The following GNA12 variants were observed in gnomAD, a reference collection of about 807,000 sequenced individuals.
GNA12 encodes the protein guanine nucleotide-binding protein subunit alpha-12.
In GNA12, 9 loss-of-function variants were observed where a neutral mutation model predicts 26.0. That is an observed-to-expected ratio of 0.35 (90% confidence interval 0.21 to 0.60). GNA12 has a LOEUF of 0.60. GNA12 is among the 20% of genes least tolerant of loss of function. The pLI, the probability that GNA12 is intolerant of heterozygous loss-of-function variation, is 0.78. For missense variants in GNA12, 405 were observed against 525.8 expected (o/e 0.77, Z 2.25); for synonymous variants, 264 against 219.6 (o/e 1.20, Z -1.79).
In GNA12 at chr7:2,793,900, G is replaced by GGA. The variant is rs1562432001; in HGVS notation, c.525+1027_525+1028insTC. ...CCATCTCAAAAAAAAAAAAAAAAAG[G>GGA]AAAAAAAAAGACGTTTCCAATAGCA... On this transcript the variant is annotated intron_variant, in intron 2 of 3. Coordinates refer to ENST00000275364, the MANE Select transcript of GNA12 (RefSeq NM_007353.3). Among the ~76,000 whole-genome samples, 1,206 of 141,096 alleles carry GGA rather than the reference G, an allele frequency of 8.5e-3. 15 individuals are homozygous for GGA. The highest frequency in any genetic ancestry group is 0.03 in the African/African-American group (1,128 of 38,062). The allele number at this position is 141,096 out of a possible 152,430, so 92.6% of individuals were successfully genotyped here.
intron 2 of GNA12, among the ~76,000 whole-genome samples, chr7:2,768,687 C>CAA (rs58917196): frequency 8.0e-6 from 1 of 125,210 alleles, no homozygotes; most frequent in East Asian, 2.0e-4. Context: ...CAAAACAAAA[C>CAA]AAAAAAAAAA....
chr7:2,844,300 C>A lies in GNA12; in HGVS notation c.-139G>T, dbSNP rs1049993681. On this transcript the variant is annotated 5_prime_UTR_variant, in exon 1 of 4. Coordinates refer to ENST00000275364, the MANE Select transcript of GNA12 (RefSeq NM_007353.3). ...CCGCGTCCGCCGCCGCCGCTGCAGTCGCTCCGAGGCCCGCACTCGTCGCCC... is the reference window on the plus strand; with the variant it reads ...CCGCGTCCGCCGCCGCCGCTGCAGTAGCTCCGAGGCCCGCACTCGTCGCCC... 6.2e-4 allele frequency: 165 copies of A among 267,990 alleles called. No individual in the cohort carries two copies. Among genetic ancestry groups the A allele is most frequent in the Non-Finnish European group, 8.8e-4 (154 of 175,204 alleles). 16.6% of individuals were successfully genotyped at this position (267,990 alleles called of 1,614,324 possible). A position where few individuals can be genotyped will look rare whatever the true frequency, so the allele number is the denominator to read the frequency against.
At chr7:2,826,719 G>A (rs1027995599) in intron 1 of GNA12, among the ~76,000 whole-genome samples, 1 of 152,198 alleles carries the variant, frequency 6.6e-6, no homozygotes, top group African/African-American at 2.4e-5. Context: ...CCAACTACAG[G>A]ACATTCTGGA....
intron 1 of GNA12, among the ~76,000 whole-genome samples, chr7:2,806,833 CAA>C (rs1792962685): frequency 6.6e-6 from 1 of 152,120 alleles, no homozygotes; most frequent in South Asian, 2.1e-4. Context: ...AAAGAATAAA[CAA>C]CGATGCAAGG....
chr7:2,748,128 A>G (rs1280385134), intron 2 of GNA12, among the ~76,000 whole-genome samples: 2 of 150,968 alleles, frequency 1.3e-5, no homozygotes, highest in African/African-American at 2.4e-5. Context: ...CAAGCTACCA[A>G]TGACTTTCTT....
intron 2 of GNA12, among the ~76,000 whole-genome samples, chr7:2,743,772 C>T (rs986533341): frequency 6.6e-5 from 10 of 152,146 alleles, no homozygotes; most frequent in Admixed American, 6.6e-5. Context: ...CCCTTTCCTA[C>T]TCAAAGAAAG....
At chr7:2,793,466 A>G (rs1286394239) in intron 2 of GNA12, among the ~76,000 whole-genome samples, 2 of 152,234 alleles carry the variant, frequency 1.3e-5, no homozygotes, top group African/African-American at 4.8e-5. Context: ...AGATGTTAAC[A>G]TTAGGGGGAC....
Position 2,776,113 on chromosome 7 carries a change from C to T in GNA12, c.525+18815G>A, listed in dbSNP as rs147819924. Among the ~76,000 whole-genome samples the T allele has an allele frequency of 4.9e-3, 752 of 152,332 alleles. 10 individuals are homozygous for T. The highest frequency in any genetic ancestry group is 0.017 in the African/African-American group (711 of 41,586). ...TCCAGGTTAGACCGCTCATTGCAGC[C>T]TCAACCTCCTGGGCTTCAGCAATCC... On this transcript the variant is annotated intron_variant, in intron 2 of 3. Coordinates refer to ENST00000275364, the MANE Select transcript of GNA12 (RefSeq NM_007353.3).
chr7:2,811,243 C>T (rs560600668), intron 1 of GNA12, among the ~76,000 whole-genome samples: 47 of 152,254 alleles, frequency 3.1e-4, no homozygotes, highest in Middle Eastern at 3.4e-3. Flanking sequence ...CTTCTGTGCA[C>T]AACATCTACA....
chr7:2,817,525 C>G (rs1027842904), intron 1 of GNA12, among the ~76,000 whole-genome samples: 1 of 152,230 alleles, frequency 6.6e-6, no homozygotes, highest in African/African-American at 2.4e-5. Flanking sequence ...TCTGCTCTGC[C>G]CACACCAGCC....
At chr7:2,739,271 A>G (rs7776715) in intron 2 of GNA12, among the ~76,000 whole-genome samples, 27,037 of 152,186 alleles carry the variant, frequency 0.18, 2,436 homozygotes, top group Non-Finnish European at 0.2. Flanking sequence ...TCTACAGCCT[A>G]TCAGCCGCCA....
At position 2,794,986 on chromosome 7, in the gene GNA12, G is replaced by A. The variant is rs760099419; in HGVS notation, c.467C>T (p.Ala156Val). The change falls in exon 2 of 4, where the codon GCA becomes GTA. Residue 156 changes from alanine to valine, a missense_variant. Physicochemically the swap from Ala to Val is moderately conservative, Grantham distance 64. Coordinates refer to ENST00000275364, the MANE Select transcript of GNA12 (RefSeq NM_007353.3). The part of the protein sequence containing the change: ...TFQLYVPALS[A>V]LWRDSGIREA... ...CCTGATGCCAGAATCCCTCCAGAGT[G>A]CGCTCAGGGCCGGGACGTACAGCTG... 6.2e-7 allele frequency: 1 copy of A among 1,614,190 alleles called. No individual in the cohort carries two copies.
At chr7:2,811,503 A>C (rs1259565835) in intron 1 of GNA12, among the ~76,000 whole-genome samples, 1 of 152,214 alleles carries the variant, frequency 6.6e-6, no homozygotes, top group Non-Finnish European at 1.5e-5. Context: ...ACTTTATGTC[A>C]TGACCAATGA....
intron 2 of GNA12, among the ~76,000 whole-genome samples, chr7:2,743,709 C>T (rs1042693068): frequency 2.6e-5 from 4 of 152,150 alleles, no homozygotes; most frequent in South Asian, 2.1e-4. Flanking sequence ...GTGCGCGAGC[C>T]GAAGCAGGGC....
intron 1 of GNA12, among the ~76,000 whole-genome samples, chr7:2,819,028 T>A (rs1419561085): frequency 6.6e-6 from 1 of 152,148 alleles, no homozygotes; most frequent in East Asian, 1.9e-4. Context: ...TCAGCTGAGC[T>A]TAAAATAGGG....
chr7:2,795,130 A>C lies in GNA12; in HGVS notation c.323T>G (p.Leu108Arg). The change falls in exon 2 of 4, where the codon CTT (leucine) becomes CGT (arginine). Residue 108 changes from leucine to arginine, a missense_variant. Leu to Arg is a moderately radical substitution (Grantham distance 102, BLOSUM62 -2). Transcript: ENST00000275364. ...GCCAAGCTTATCTCGTGCATCAACA[A>C]GAACCCTTGAGCCCTAGAAAATAAA... ...FDNILKGSRV[L>R]VDARDKLGIP... is the part of the protein sequence containing the mutation. 1 of 1,612,034 alleles carries C rather than the reference A, an allele frequency of 6.2e-7. No individual in the cohort carries two copies. The highest frequency in any genetic ancestry group is 8.5e-7 in the Non-Finnish European group (1 of 1,178,296).
intron 2 of GNA12, among the ~76,000 whole-genome samples, chr7:2,788,880 G>A (rs991597480): frequency 5.3e-5 from 8 of 152,156 alleles, no homozygotes; most frequent in African/African-American, 1.7e-4. Flanking sequence ...GAGTGCAGTG[G>A]CGTGATCTCT....
At chr7:2,797,234 C>A (rs1792699574) in intron 1 of GNA12, among the ~76,000 whole-genome samples, 1 of 152,168 alleles carries the variant, frequency 6.6e-6, no homozygotes, top group South Asian at 2.1e-4. Context: ...CAATCTCGAC[C>A]TTCTGGGCTC....
intron 1 of GNA12, among the ~76,000 whole-genome samples, chr7:2,816,451 A>C (rs546032011): frequency 6.6e-6 from 1 of 152,286 alleles, no homozygotes; most frequent in African/African-American, 2.4e-5. Flanking sequence ...GGCTGGTCTC[A>C]AACTCCTGAC....
Sources: allele counts gnomAD v4.1 joint callset (sites outside exome capture counted in the v4.1 genomes callset), GRCh38; gene constraint gnomAD v4.1.1; transcripts MANE v1.5; gene names NCBI Gene and HGNC (gene_info 2026-07-23, HGNC 2026-07-21).